CTBP2: variants seen among roughly 807,000 people sequenced by gnomAD.
CTBP2 encodes C-terminal-binding protein 2.
In CTBP2, 30 loss-of-function variants were observed where a neutral mutation model predicts 80.3. The observed-to-expected ratio is 0.37, with a 90% confidence interval of 0.28 to 0.51. The LOEUF is 0.51. Among genes scored for constraint, CTBP2 ranks in the 20% least tolerant of loss-of-function variants. CTBP2 has a pLI of 0.93. For missense variants in CTBP2, 1,212 were observed against 1,375.3 expected, an observed-to-expected ratio of 0.88 and a Z score of 1.88; for synonymous variants, 594 against 587.4, an observed-to-expected ratio of 1.01 and a Z score of -0.16.
chr10:125,146,873 C>G (rs1437244665), intron 1 of CTBP2, among the ~76,000 whole-genome samples: 1 of 152,102 alleles, frequency 6.6e-6, no homozygotes, highest in Non-Finnish European at 1.5e-5. Flanking sequence ...GGTGCTCAGT[C>G]AGTATCTGTG....
At chr10:125,159,264 T>C (rs1861502495) in intron 1 of CTBP2, among the ~76,000 whole-genome samples, 1 of 149,478 alleles carries the variant, frequency 6.7e-6, no homozygotes. Context: ...CTGCTAAACT[T>C]TTTCTTTTTG....
At position 125,026,225 on chromosome 10, in the gene CTBP2, A is replaced by G. The variant is rs2134675258; in HGVS notation, c.1535T>C (p.Leu512Ser). 1 of 1,613,618 alleles carries G rather than the reference A, an allele frequency of 6.2e-7. No individual in the cohort carries two copies. Among genetic ancestry groups the G allele is most frequent in the East Asian group, 2.2e-5 (1 of 44,866 alleles). The change falls in exon 1 of 9, where the codon TTG (leucine) becomes TCG (serine). Residue 512 changes from leucine to serine, a missense_variant. By Grantham distance (145) the Leu-to-Ser change is moderately radical (BLOSUM62 -2). Transcript: ENST00000309035. Reference sequence around the variant, plus strand: ...CCCCAGGGGTGCACCTGGCTTCCGCAAGACCTGGGGGCTGCCGTGAGGGCT... The same window carrying G: ...CCCCAGGGGTGCACCTGGCTTCCGCGAGACCTGGGGGCTGCCGTGAGGGCT...
intron 2 of CTBP2, among the ~76,000 whole-genome samples, chr10:125,052,184 G>A (rs1236121870): frequency 1.3e-5 from 2 of 152,214 alleles, no homozygotes; most frequent in Non-Finnish European, 2.9e-5. Context: ...TGGTTGTGAT[G>A]CAGGGGCAGC....
intron 1 of CTBP2, among the ~76,000 whole-genome samples, chr10:125,025,787 C>T (rs1425627232): frequency 6.6e-6 from 1 of 152,210 alleles, no homozygotes; most frequent in Non-Finnish European, 1.5e-5. Context: ...CGACTTTCTC[C>T]AAGAAACACA....
At chr10:125,047,254 G>C (rs1961500035) in intron 2 of CTBP2, among the ~76,000 whole-genome samples, 1 of 152,174 alleles carries the variant, frequency 6.6e-6, no homozygotes, top group African/African-American at 2.4e-5. Context: ...CAGGAATGCA[G>C]ATCAATTTTT....
chr10:125,058,666 G>A (rs991579978), intron 2 of CTBP2, among the ~76,000 whole-genome samples: 1 of 151,990 alleles, frequency 6.6e-6, no homozygotes, highest in African/African-American at 2.4e-5. Flanking sequence ...GTGGCGCGGT[G>A]GGCAGATCAC....
intron 2 of CTBP2, among the ~76,000 whole-genome samples, chr10:125,106,748 CA>C (rs1476801640): frequency 2.6e-5 from 4 of 152,240 alleles, no homozygotes; most frequent in African/African-American, 7.2e-5. Flanking sequence ...ACATGGGTCA[CA>C]GTGGGAAAAT....
intron 3 of CTBP2, among the ~76,000 whole-genome samples, chr10:125,035,897 CGA>C (rs1958807789): frequency 2.0e-5 from 3 of 152,096 alleles, no homozygotes. Context: ...GCCTGTGTTA[CGA>C]GAGGGCTCCT....
At chr10:125,116,634 C>A (rs769040129) in intron 1 of CTBP2, among the ~76,000 whole-genome samples, 3 of 152,184 alleles carry the variant, frequency 2.0e-5, no homozygotes, top group Non-Finnish European at 2.9e-5. Flanking sequence ...CCTCTCCTAG[C>A]CTGACACTCC....
chr10:125,140,700 A>G (rs563830143), intron 1 of CTBP2, among the ~76,000 whole-genome samples: 2 of 152,142 alleles, frequency 1.3e-5, no homozygotes, highest in South Asian at 4.2e-4. Flanking sequence ...GTGGGTGCCT[A>G]TCATCTCAGC....
chr10:125,152,304 C>G (rs1030002016), intron 1 of CTBP2, among the ~76,000 whole-genome samples: 9 of 152,168 alleles, frequency 5.9e-5, no homozygotes, highest in Non-Finnish European at 1.3e-4. Flanking sequence ...CCCCGCGGTC[C>G]GGGAAATGCA....
chr10:125,083,929 G>A (rs1291316855), intron 2 of CTBP2, among the ~76,000 whole-genome samples: 2 of 152,134 alleles, frequency 1.3e-5, no homozygotes, highest in Non-Finnish European at 2.9e-5. Flanking sequence ...AGAGGCATGC[G>A]CCACCACGCC....
chr10:125,081,785 T>C (rs1847210698), intron 2 of CTBP2, among the ~76,000 whole-genome samples: 1 of 152,132 alleles, frequency 6.6e-6, no homozygotes, highest in Non-Finnish European at 1.5e-5. Context: ...TCATTACTCT[T>C]TAAGGTAAAC....
intron 3 of CTBP2, among the ~76,000 whole-genome samples, chr10:125,036,668 G>GTGT (rs1958907089): frequency 1.5e-4 from 18 of 119,350 alleles, no homozygotes; most frequent in Admixed American, 8.9e-4. Context: ...AGCTAGAGGG[G>GTGT]GTGTGTGTGT....
intron 1 of CTBP2, chr10:125,005,552 C>A: frequency 6.2e-7 from 1 of 1,610,028 alleles, no homozygotes; most frequent in Non-Finnish European, 8.5e-7. Context: ...CTCACCAGCC[C>A]ACGACCTGTA....
chr10:125,122,615 T>A (rs968923432), intron 1 of CTBP2: 1 of 152,250 alleles, frequency 6.6e-6, no homozygotes, highest in Non-Finnish European at 1.5e-5. Context: ...TCAGTCAATG[T>A]ACACTGTGCA....
intron 3 of CTBP2, among the ~76,000 whole-genome samples, chr10:125,037,065 T>C (rs1297693472): frequency 1.3e-5 from 2 of 152,164 alleles, no homozygotes; most frequent in Non-Finnish European, 2.9e-5. Flanking sequence ...TATTGAGAAA[T>C]TTAAAATATA....
rs1323545389 is a variant in CTBP2 at position 125,027,189 on chromosome 10, G to A, written c.571C>T (p.Arg191Trp). ...CCATACCTGGTGTCGGGCTGCTCCC[G>A]TCCATACCGCCCGGGAGATGCAGCC... Residue 191 changes from arginine (R) to tryptophan (W), a missense_variant, in exon 1 of 9, where the codon CGG becomes TGG. Arg to Trp is a moderately radical substitution (Grantham distance 101, BLOSUM62 -3). Transcript: ENST00000309035. 5.0e-6 allele frequency: 8 copies of A among 1,608,726 alleles called. No individual in the cohort carries two copies. In the East Asian group the frequency reaches 6.7e-5, roughly 13 times the overall value.
intron 2 of CTBP2, among the ~76,000 whole-genome samples, chr10:125,060,745 G>T (rs1212677354): frequency 2.6e-5 from 4 of 152,228 alleles, no homozygotes; most frequent in Non-Finnish European, 5.9e-5. Flanking sequence ...GATGGATAAA[G>T]AAGTTTCTCA....
Sources: gnomAD v4.1 joint callset for allele counts (sites outside exome capture counted in the v4.1 genomes callset) on GRCh38, gnomAD v4.1.1 for gene constraint, MANE v1.5 for transcripts, NCBI Gene and HGNC (gene_info 2026-07-23, HGNC 2026-07-21) for gene names.